CA10: variants seen among roughly 807,000 people sequenced by gnomAD.
CA10 encodes the protein carbonic anhydrase-related protein 10.
Under a neutral mutation model 44.2 loss-of-function variants are expected in CA10, and 14 were observed. That is an observed-to-expected ratio of 0.32 (90% CI 0.21 to 0.50). CA10 has a LOEUF of 0.50. Among genes scored for constraint, CA10 ranks in the 20% least tolerant of loss-of-function variants. The pLI, the probability that CA10 is intolerant of heterozygous loss-of-function variation, is 0.99. For synonymous variants in CA10, 159 were observed against 141.6 expected (o/e 1.12, Z -0.87); for missense variants, 350 against 409.7 (o/e 0.85, Z 1.26).
intron 1 of CA10, among the ~76,000 whole-genome samples, chr17:52,152,852 A>AT (rs1989731992): frequency 6.6e-6 from 1 of 152,082 alleles, no homozygotes; most frequent in Non-Finnish European, 1.5e-5. Flanking sequence ...AGCAAATATA[A>AT]TTTTTATTTT....
At chr17:51,653,882 G>T (rs1209571079) in intron 4 of CA10, 146 bp from the exon 5 acceptor site, 1 of 638,576 alleles carries the variant, frequency 1.6e-6, no homozygotes, top group African/African-American at 1.8e-5. Flanking sequence ...ATTTCAGAGG[G>T]ATGTGTGTGC....
intron 2 of CA10, among the ~76,000 whole-genome samples, chr17:51,978,908 T>A (rs1332887061): frequency 1.3e-5 from 2 of 152,118 alleles, no homozygotes; most frequent in Non-Finnish European, 2.9e-5. Context: ...CTTTCCATAG[T>A]AACTCAGTTA....
intron 3 of CA10, among the ~76,000 whole-genome samples, chr17:51,803,143 C>T (rs1907001179): frequency 6.6e-6 from 1 of 152,138 alleles, no homozygotes; most frequent in Admixed American, 6.5e-5. Context: ...GGATAGTTTT[C>T]AACTCTCTGA....
intron 3 of CA10, among the ~76,000 whole-genome samples, chr17:51,755,294 G>T (rs926853059): frequency 2.0e-5 from 3 of 152,198 alleles, no homozygotes; most frequent in Non-Finnish European, 4.4e-5. Context: ...AGAGGAAGAG[G>T]TATATCTTTT....
At chr17:51,973,701 A>T (rs1296449304) in intron 2 of CA10, among the ~76,000 whole-genome samples, 1 of 152,214 alleles carries the variant, frequency 6.6e-6, no homozygotes, top group East Asian at 1.9e-4. Context: ...GCCAAATCCA[A>T]GTCTCCACAG....
At chr17:51,701,725 G>A (rs1915609884) in intron 4 of CA10, among the ~76,000 whole-genome samples, 1 of 152,180 alleles carries the variant, frequency 6.6e-6, no homozygotes, top group Non-Finnish European at 1.5e-5. Flanking sequence ...ACAGTCATTT[G>A]TAATGTATTG....
At chr17:51,781,198 C>A (rs1304742122) in intron 3 of CA10, among the ~76,000 whole-genome samples, 1 of 152,144 alleles carries the variant, frequency 6.6e-6, no homozygotes, top group African/African-American at 2.4e-5. Context: ...CATCTCTGAG[C>A]CTTACCTTTC....
At chr17:52,109,721 C>T (rs1037393074) in intron 1 of CA10, among the ~76,000 whole-genome samples, 1 of 152,194 alleles carries the variant, frequency 6.6e-6, no homozygotes, top group Non-Finnish European at 1.5e-5. Flanking sequence ...AAAAATAGGT[C>T]TCACATTCCA....
chr17:51,866,483 G>A (rs1979552163), intron 3 of CA10, among the ~76,000 whole-genome samples: 1 of 152,130 alleles, frequency 6.6e-6, no homozygotes. Context: ...AGCAGACCAT[G>A]CTTCCAGTGA....
At chr17:52,087,427 C>G (rs11079990) in intron 1 of CA10, among the ~76,000 whole-genome samples, 11,592 of 152,290 alleles carry the variant, frequency 0.076, 490 homozygotes, top group South Asian at 0.15. Context: ...CAGATGTGAG[C>G]CACCGCACCT....
chr17:51,812,754 T>C (rs917312754), intron 3 of CA10, among the ~76,000 whole-genome samples: 8 of 152,222 alleles, frequency 5.3e-5, no homozygotes, highest in African/African-American at 1.9e-4. Flanking sequence ...TTTGTAATGC[T>C]GTCCTGAGTC....
At chr17:51,824,108 G>C (rs1000757972) in intron 3 of CA10, among the ~76,000 whole-genome samples, 7 of 152,142 alleles carry the variant, frequency 4.6e-5, no homozygotes, top group Non-Finnish European at 1.0e-4. Context: ...TATTGCCTAT[G>C]CCTCAATAAC....
At chr17:51,856,099 C>G (rs1979028637) in intron 3 of CA10, among the ~76,000 whole-genome samples, 1 of 152,170 alleles carries the variant, frequency 6.6e-6, no homozygotes, top group South Asian at 2.1e-4. Context: ...AGTGAACTTT[C>G]TAATGTTTCT....
chr17:51,961,105 A>G (rs181860855), intron 2 of CA10, among the ~76,000 whole-genome samples: 99 of 152,012 alleles, frequency 6.5e-4, no homozygotes, highest in Non-Finnish European at 1.1e-3. Context: ...GGCTTGCCCT[A>G]TGAATGTTGA....
chr17:51,632,249 A>T (rs1195176344), intron 8 of CA10, among the ~76,000 whole-genome samples: 1 of 152,182 alleles, frequency 6.6e-6, no homozygotes, highest in Non-Finnish European at 1.5e-5. Context: ...CTCTGTTTGG[A>T]TAGGTGTCTT....
chr17:52,098,779 T>G (rs1006712530), intron 1 of CA10, among the ~76,000 whole-genome samples: 3 of 152,210 alleles, frequency 2.0e-5, no homozygotes, highest in African/African-American at 7.2e-5. Context: ...ACAATGCACC[T>G]GAGCTTCTTT....
At chr17:51,854,838 G>A (rs1978966919) in intron 3 of CA10, among the ~76,000 whole-genome samples, 1 of 152,206 alleles carries the variant, frequency 6.6e-6, no homozygotes, top group African/African-American at 2.4e-5. Flanking sequence ...AGCATTTGGT[G>A]TGTGTTGGGT....
Position 52,158,036 on chromosome 17 carries a change from TG to T in CA10, c.-251del. On this transcript the variant is annotated 5_prime_UTR_variant, in exon 1 of 9. It removes the in-frame stop codon of an upstream open reading frame in the 5' UTR. Coordinates refer to ENST00000451037, the MANE Select transcript of CA10 (RefSeq NM_020178.5). Reference sequence around the variant, plus strand: ...TGCTGACACATGTCCGATGCCTCGCTGCCTTGGAGGTCTCCCCGCTCGCGTG... The same window carrying T: ...TGCTGACACATGTCCGATGCCTCGCTCCTTGGAGGTCTCCCCGCTCGCGTG... 1.8e-6 allele frequency: 1 copy of T among 560,572 alleles called. No homozygotes were observed. The allele number at this position is 560,572 out of a possible 1,614,324, so 34.7% of individuals were successfully genotyped here.
chr17:51,782,471 G>A (rs1022700085), intron 3 of CA10, among the ~76,000 whole-genome samples: 2 of 152,204 alleles, frequency 1.3e-5, no homozygotes, highest in Non-Finnish European at 2.9e-5. Flanking sequence ...AGGCCCACTG[G>A]ACTAGAATCT....
Sources: allele counts gnomAD v4.1 joint callset (sites outside exome capture counted in the v4.1 genomes callset), GRCh38; gene constraint gnomAD v4.1.1; transcripts MANE v1.5; gene names NCBI Gene and HGNC (gene_info 2026-07-23, HGNC 2026-07-21).